The following PLEKHM3 variants were observed in gnomAD, a reference collection of about 807,000 sequenced individuals.
The protein encoded by PLEKHM3 is pleckstrin homology domain containing M3.
PLEKHM3 carries 45 observed loss-of-function variants against 81.8 expected under a neutral mutation model. That is an observed-to-expected ratio of 0.55 (90% CI 0.43 to 0.71). The LOEUF is 0.71. Among genes scored for constraint, PLEKHM3 ranks in the 30% least tolerant of loss-of-function variants. PLEKHM3 has a pLI of 0.00. For synonymous variants in PLEKHM3, 352 were observed against 356.4 expected (o/e 0.99, Z 0.14); for missense variants, 788 against 924.3 (o/e 0.85, Z 1.91).
At chr2:207,944,818 A>C (rs1196652325) in intron 4 of PLEKHM3, among the ~76,000 whole-genome samples, 2 of 152,162 alleles carry the variant, frequency 1.3e-5, no homozygotes. Context: ...TCATTCTAGC[A>C]ATTCTCTCTC....
chr2:208,006,845 G>A (rs1692508763), intron 1 of PLEKHM3, among the ~76,000 whole-genome samples: 1 of 152,162 alleles, frequency 6.6e-6, no homozygotes, highest in Non-Finnish European at 1.5e-5. Context: ...AGAAATTGAG[G>A]AAATAAAAGA....
intron 7 of PLEKHM3, among the ~76,000 whole-genome samples, chr2:207,841,677 C>G (rs2092355010): frequency 6.6e-6 from 1 of 151,088 alleles, no homozygotes; most frequent in Non-Finnish European, 1.5e-5. Context: ...TGGAATAATA[C>G]TTTTTTTGTT....
chr2:207,986,838 A>ATT lies in PLEKHM3; in HGVS notation c.611-9254_611-9253dup, dbSNP rs370986896. ...GGCGTGTGCCAACCATGCCCAGCTAATTTTTTTTTTTTTTTTTTTTTTGTA... is the reference window on the plus strand; with the variant it reads ...GGCGTGTGCCAACCATGCCCAGCTAATTTTTTTTTTTTTTTTTTTTTTTTGTA... On this transcript the variant is annotated intron_variant, in intron 2 of 7. Transcript: ENST00000427836. Among the ~76,000 whole-genome samples, 219 of 126,288 alleles carry ATT rather than the reference A, an allele frequency of 1.7e-3. 2 individuals are homozygous for ATT. The highest frequency in any genetic ancestry group is 4.8e-3 in the African/African-American group (150 of 31,062). 82.8% of individuals were successfully genotyped at this position (126,288 alleles called of 152,430 possible). A position where few individuals can be genotyped will look rare whatever the true frequency, so the allele number is the denominator to read the frequency against.
rs1244691787 is a variant in PLEKHM3 at position 207,968,864 on chromosome 2, G to A, written c.1546+7787C>T. Among the ~76,000 whole-genome samples the A allele has an allele frequency of 2.6e-5, 4 of 152,122 alleles. No individual in the cohort carries two copies. In the East Asian group the frequency reaches 5.8e-4, roughly 22 times the overall value. On this transcript the variant is annotated intron_variant, in intron 3 of 7. Coordinates refer to ENST00000427836, the MANE Select transcript of PLEKHM3 (RefSeq NM_001080475.3). Reference sequence around the variant, plus strand: ...ATACAACATAAGAAGGCAACAATACGCTAAACATTTCTCATGTATCCAAGT... The same window carrying A: ...ATACAACATAAGAAGGCAACAATACACTAAACATTTCTCATGTATCCAAGT...
intron 6 of PLEKHM3, among the ~76,000 whole-genome samples, chr2:207,891,501 G>A (rs1474414597): frequency 6.6e-6 from 1 of 152,172 alleles, no homozygotes; most frequent in Admixed American, 6.5e-5. Flanking sequence ...CAAGCTGTCT[G>A]GCTCCAGACT....
At chr2:208,011,785 CTTTTTTTT>C (rs1177948830) in intron 1 of PLEKHM3, among the ~76,000 whole-genome samples, 4 of 79,988 alleles carry the variant, frequency 5.0e-5, no homozygotes, top group Non-Finnish European at 6.9e-5. Context: ...CTCTGATAAA[CTTTTTTTT>C]TTTTTTTTTT....
At chr2:207,986,007 A>G (rs1279502422) in intron 2 of PLEKHM3, among the ~76,000 whole-genome samples, 11 of 144,860 alleles carry the variant, frequency 7.6e-5, no homozygotes, top group African/African-American at 1.3e-4. Context: ...AAAAAAAAAT[A>G]CCATGTTCCA....
chr2:207,869,586 A>G (rs1332147249), intron 6 of PLEKHM3, among the ~76,000 whole-genome samples: 1 of 152,188 alleles, frequency 6.6e-6, no homozygotes, highest in East Asian at 1.9e-4. Context: ...AAGAATACAC[A>G]TTTTCATTTG....
chr2:207,911,426 T>C (rs1559232996), intron 5 of PLEKHM3, among the ~76,000 whole-genome samples: 1 of 152,210 alleles, frequency 6.6e-6, no homozygotes. Flanking sequence ...ACATCTTACA[T>C]AACCATGGCA....
chr2:207,917,532 A>G (rs905896460), intron 5 of PLEKHM3, among the ~76,000 whole-genome samples: 1 of 152,152 alleles, frequency 6.6e-6, no homozygotes, highest in African/African-American at 2.4e-5. Flanking sequence ...CAGTCTGTGT[A>G]GATTGTGCTT....
chr2:207,901,961 C>A (rs560693273), intron 6 of PLEKHM3, among the ~76,000 whole-genome samples: 3 of 152,286 alleles, frequency 2.0e-5, no homozygotes, highest in East Asian at 1.9e-4. Flanking sequence ...CGAGCTGTCA[C>A]GCTTTGTTTT....
intron 4 of PLEKHM3, among the ~76,000 whole-genome samples, chr2:207,937,648 T>A (rs1333744739): frequency 1.3e-5 from 2 of 151,934 alleles, no homozygotes; most frequent in East Asian, 3.8e-4. Flanking sequence ...ATATGACAGT[T>A]AAAATTTATA....
intron 1 of PLEKHM3, among the ~76,000 whole-genome samples, chr2:208,016,422 T>C (rs1574494492): frequency 6.6e-6 from 1 of 151,506 alleles, no homozygotes; most frequent in Admixed American, 6.6e-5. Flanking sequence ...TGGTGGCAGG[T>C]GGATCTCCTG....
chr2:207,899,753 T>A (rs1250295941), intron 6 of PLEKHM3, among the ~76,000 whole-genome samples: 1 of 152,208 alleles, frequency 6.6e-6, no homozygotes, highest in East Asian at 1.9e-4. Flanking sequence ...ATGCAGACAG[T>A]GTTAAGAAAT....
intron 3 of PLEKHM3, among the ~76,000 whole-genome samples, chr2:207,956,267 C>T (rs939100365): frequency 6.6e-6 from 1 of 152,022 alleles, no homozygotes; most frequent in African/African-American, 2.4e-5. Context: ...GAGTTTGAGA[C>T]CAGCCTGGCC....
intron 6 of PLEKHM3, 134 bp downstream of exon 6, chr2:207,908,380 T>G: frequency 1.2e-6 from 1 of 841,210 alleles, no homozygotes; most frequent in South Asian, 1.6e-5. Context: ...TTTCCCCCCA[T>G]TCTGAAAAAG....
At chr2:207,878,126 T>G (rs2092568577) in intron 6 of PLEKHM3, among the ~76,000 whole-genome samples, 1 of 152,082 alleles carries the variant, frequency 6.6e-6, no homozygotes, top group Non-Finnish European at 1.5e-5. Flanking sequence ...TTTTTGGAGA[T>G]AAGGTCTCCC....
intron 6 of PLEKHM3, among the ~76,000 whole-genome samples, chr2:207,907,062 G>C (rs1688634412): frequency 6.6e-6 from 1 of 152,138 alleles, no homozygotes; most frequent in Admixed American, 6.6e-5. Flanking sequence ...ATGAACTCTT[G>C]AAAGAATCAT....
chr2:208,007,871 T>C (rs1345708721), intron 1 of PLEKHM3, among the ~76,000 whole-genome samples: 2 of 152,022 alleles, frequency 1.3e-5, no homozygotes, highest in African/African-American at 4.8e-5. Context: ...CTGGCTAACA[T>C]GGTGAAACCT....
Sources: allele counts gnomAD v4.1 joint callset (sites outside exome capture counted in the v4.1 genomes callset), GRCh38; gene constraint gnomAD v4.1.1; transcripts MANE v1.5; gene names NCBI Gene and HGNC (gene_info 2026-07-23, HGNC 2026-07-21).